Variants in BFAR observed in about 807,000 individuals in gnomAD.
BFAR encodes the protein bifunctional apoptosis regulator.
Under a neutral mutation model 54.4 loss-of-function variants are expected in BFAR, and 52 were observed. The ratio of observed to expected loss-of-function variants is 0.96; its 90% CI spans 0.77 to 1.21. The LOEUF is 1.21. BFAR is among the 50% of genes most tolerant of loss of function. The pLI, the probability that BFAR is intolerant of heterozygous loss-of-function variation, is 0.00. For missense variants in BFAR, 571 were observed against 534.0 expected (o/e 1.07, Z -0.68); for synonymous variants, 215 against 204.3 (o/e 1.05, Z -0.45).
At chr16:14,658,373 A>C (rs1404464506) in intron 5 of BFAR, among the ~76,000 whole-genome samples, 3 of 152,044 alleles carry the variant, frequency 2.0e-5, no homozygotes, top group African/African-American at 7.2e-5. Flanking sequence ...TCCTTACTGT[A>C]CTGTACATGT....
chr16:14,648,266 T>G (rs953149962), intron 2 of BFAR, 122 bp from the exon 3 acceptor site: 4 of 732,786 alleles, frequency 5.5e-6, no homozygotes, highest in African/African-American at 3.6e-5. Flanking sequence ...ATAATACATT[T>G]CTTGTCAGTT....
At chr16:14,663,921 A>G (rs758820628) in intron 6 of BFAR, among the ~76,000 whole-genome samples, 10 of 151,890 alleles carry the variant, frequency 6.6e-5, no homozygotes, top group Non-Finnish European at 1.5e-4. Context: ...TTTCATTTCA[A>G]CCTTTTTGCT....
chr16:14,654,363 TA>T (rs1394097600), intron 4 of BFAR, among the ~76,000 whole-genome samples: 2 of 151,576 alleles, frequency 1.3e-5, no homozygotes, highest in Admixed American at 6.6e-5. Flanking sequence ...TAGAGTAATA[TA>T]AAAAAATAAA....
rs772454085 is a variant in BFAR at position 14,667,695 on chromosome 16, G to A, written c.1221G>A (p.Val407=). 3 of 1,614,116 alleles carry A rather than the reference G, an allele frequency of 1.9e-6. No individual in the cohort carries two copies. Among genetic ancestry groups the A allele is most frequent in the South Asian group, 1.1e-5 (1 of 91,078 alleles). The part of the protein sequence containing the change: ...FWKVSTQGLF[V]AMFWPLIPQF... The stretch of plus-strand genomic sequence containing the variant: ...AAGTATCAACGCAGGGGCTTTTTGT[G>A]GCCATGTTCTGGCCCCTCATCCCTC... Residue 407 remains valine (V), a synonymous_variant, in exon 8 of 8, where the codon GTG becomes GTA. Transcript: ENST00000261658.
intron 5 of BFAR, among the ~76,000 whole-genome samples, chr16:14,657,784 T>C (rs1016778673): frequency 2.7e-5 from 4 of 149,864 alleles, no homozygotes; most frequent in Admixed American, 6.6e-5. Flanking sequence ...TCAGGTGATC[T>C]GCCCGCCTCA....
intron 7 of BFAR, among the ~76,000 whole-genome samples, chr16:14,666,028 C>T (rs1960432079): frequency 6.6e-6 from 1 of 152,202 alleles, no homozygotes; most frequent in African/African-American, 2.4e-5. Context: ...CTTGTGTTTT[C>T]TGCCTCAGGC....
intron 3 of BFAR, among the ~76,000 whole-genome samples, chr16:14,649,251 T>C (rs993122046): frequency 5.9e-5 from 9 of 151,964 alleles, no homozygotes; most frequent in African/African-American, 2.2e-4. Flanking sequence ...AATTTTTGTG[T>C]GATTAGTAGA....
intron 7 of BFAR, chr16:14,667,306 A>C (rs1960468118): frequency 3.5e-6 from 1 of 287,566 alleles, no homozygotes; most frequent in Non-Finnish European, 6.5e-6. Flanking sequence ...GCACCACTGC[A>C]CTCCCAGGCT....
At position 14,662,000 on chromosome 16, in the gene BFAR, T is replaced by C. The variant is rs752114575; in HGVS notation, c.892T>C (p.Phe298Leu). ...LFDYTDTFLP[F>L]IHTICPLQED... is the part of the protein sequence containing the mutation. ...TGACTACACCGACACCTTCCTACCT[T>C]TCATCCACACCATCTGCCCTCTGCA... The change falls in exon 6 of 8, where the codon TTC becomes CTC. Residue 298 changes from phenylalanine to leucine, a missense_variant. Phe to Leu is a conservative substitution (Grantham distance 22). Transcript: ENST00000261658. 8 of 1,614,122 alleles carry C rather than the reference T, an allele frequency of 5.0e-6. No individual in the cohort carries two copies. The highest frequency in any genetic ancestry group is 2.5e-6 in the Non-Finnish European group (3 of 1,180,024).
At position 14,655,069 on chromosome 16, in the gene BFAR, G is replaced by T. The variant is rs765174932; in HGVS notation, c.642G>T (p.Leu214Phe). ...ATCTCCTCCTGCCCCTCTACAGGTT[G>T]CTTTTAACTTTGACAGAGGAAGAAT... The part of the protein sequence containing the change: ...RFLSERVNGR[L>F]LLTLTEEEFS... Residue 214 changes from leucine (L) to phenylalanine (F), a missense_variant, in exon 5 of 8, where the codon TTG becomes TTT. By Grantham distance (22) the Leu-to-Phe change is conservative. Transcript: ENST00000261658. 6.2e-7 allele frequency: 1 copy of T among 1,604,882 alleles called. No homozygotes were observed. Among genetic ancestry groups the T allele is most frequent in the Non-Finnish European group, 8.5e-7 (1 of 1,177,348 alleles).
intron 5 of BFAR, among the ~76,000 whole-genome samples, chr16:14,661,022 G>A (rs542304082): frequency 5.3e-5 from 8 of 152,200 alleles, no homozygotes; most frequent in Admixed American, 2.0e-4. Flanking sequence ...GAGCCACCAC[G>A]CTTACCCTGA....
At chr16:14,654,563 A>G (rs1476002963) in intron 4 of BFAR, among the ~76,000 whole-genome samples, 1 of 137,712 alleles carries the variant, frequency 7.3e-6, no homozygotes, top group African/African-American at 2.8e-5. Context: ...GCTGGAGGGC[A>G]GTGACGAGAT....
At chr16:14,640,421 G>A (rs1007547091) in intron 1 of BFAR, among the ~76,000 whole-genome samples, 7 of 152,148 alleles carry the variant, frequency 4.6e-5, no homozygotes, top group Non-Finnish European at 7.3e-5. Flanking sequence ...CTTGTCATGC[G>A]TGATGCGATT....
At chr16:14,656,972 G>A (rs983198985) in intron 5 of BFAR, among the ~76,000 whole-genome samples, 45 of 151,900 alleles carry the variant, frequency 3.0e-4, no homozygotes, top group Non-Finnish European at 5.6e-4. Flanking sequence ...GTGTGGTGGT[G>A]CATGCCTATA....
chr16:14,648,938 CT>C (rs1959885232), intron 3 of BFAR, among the ~76,000 whole-genome samples: 1 of 151,914 alleles, frequency 6.6e-6, no homozygotes, highest in African/African-American at 2.4e-5. Flanking sequence ...TAGGTAAAAA[CT>C]TTCTTTTAGG....
chr16:14,651,869 T>C (rs1426580869), intron 4 of BFAR, among the ~76,000 whole-genome samples: 2 of 147,808 alleles, frequency 1.4e-5, no homozygotes, highest in East Asian at 2.0e-4. Flanking sequence ...TACTGAGGCC[T>C]GACATGCCCA....
intron 1 of BFAR, among the ~76,000 whole-genome samples, chr16:14,635,762 T>C (rs1001231327): frequency 5.5e-5 from 8 of 145,672 alleles, no homozygotes; most frequent in East Asian, 2.0e-4. Context: ...TTCTCTCTCT[T>C]TTTTTTTTTT....
intron 2 of BFAR, among the ~76,000 whole-genome samples, chr16:14,647,997 T>C (rs544860794): frequency 2.0e-5 from 3 of 152,168 alleles, no homozygotes; most frequent in African/African-American, 7.2e-5. Flanking sequence ...CTTAGCACTT[T>C]GGGAGGCCCC....
At chr16:14,658,888 A>G (rs1158300352) in intron 5 of BFAR, among the ~76,000 whole-genome samples, 1 of 151,058 alleles carries the variant, frequency 6.6e-6, no homozygotes, top group Non-Finnish European at 1.5e-5. Flanking sequence ...ACACCCCTCC[A>G]CCAATTAATA....
Sources: allele counts gnomAD v4.1 joint callset (sites outside exome capture counted in the v4.1 genomes callset), GRCh38; gene constraint gnomAD v4.1.1; transcripts MANE v1.5; gene names NCBI Gene and HGNC (gene_info 2026-07-23, HGNC 2026-07-21).